The following UGT2A1 variants were observed in gnomAD, a reference collection of about 807,000 sequenced individuals.
UGT2A1 encodes the protein UDP glucuronosyltransferase family 2 member A1 complex locus, also known as UDP-glucuronosyltransferase 2A1.
A neutral mutation model predicts 45.4 loss-of-function variants in UGT2A1; 61 were observed. The observed-to-expected ratio is 1.34, with a 90% CI of 1.09 to 1.66. UGT2A1 has a LOEUF of 1.66. Ranked by LOEUF, UGT2A1 falls within the 40% of genes most tolerant of loss-of-function variation. The probability of loss-of-function intolerance (pLI) is 0.00; values close to 1 mark genes in which losing one functional copy is unlikely to be tolerated. For synonymous variants in UGT2A1, 229 were observed against 196.2 expected (o/e 1.17, Z -1.40); for missense variants, 649 against 574.3 (o/e 1.13, Z -1.33).
rs773613888 is a variant in UGT2A1, at chr4:69,629,005, A to G, written c.847+6686T>C. On this transcript the variant is annotated intron_variant, in intron 3 of 6. Transcript: ENST00000286604. ...AAGAGAAAGGGAGCCAGGTGATATC[A>G]GGTGATACATGGTTATACTCTTCTC... 3.2e-4 allele frequency among the ~76,000 whole-genome samples: 48 copies of G among 151,662 alleles called. 1 individual carries two copies. Among genetic ancestry groups the G allele is most frequent in the South Asian group, 1.7e-3 (8 of 4,762 alleles).
intron 3 of UGT2A1, among the ~76,000 whole-genome samples, chr4:69,629,621 T>C (rs1388213270): frequency 6.6e-6 from 1 of 151,982 alleles, no homozygotes; most frequent in African/African-American, 2.4e-5. Context: ...TTCAGGTGAG[T>C]TAGTTGATAA....
At chr4:69,628,940 G>C (rs1322544072) in intron 3 of UGT2A1, among the ~76,000 whole-genome samples, 1 of 151,566 alleles carries the variant, frequency 6.6e-6, no homozygotes, top group East Asian at 1.9e-4. Context: ...TCAGCTATTA[G>C]TCTCAAAGGG....
chr4:69,595,912 C>T (rs1003896884), intron 4 of UGT2A1, among the ~76,000 whole-genome samples: 1 of 152,082 alleles, frequency 6.6e-6, no homozygotes, highest in African/African-American at 2.4e-5. Context: ...GACCATGGAG[C>T]TAACAAACTT....
At chr4:69,589,736 A>T in intron 6 of UGT2A1, 85 bp from the exon 7 acceptor site, 2 of 1,516,032 alleles carry the variant, frequency 1.3e-6, no homozygotes, top group East Asian at 2.3e-5. Flanking sequence ...CTTTTGCTCT[A>T]CAAGTTTAAG....
chr4:69,642,244 A>T (rs1304064719), intron 2 of UGT2A1, among the ~76,000 whole-genome samples: 1 of 151,840 alleles, frequency 6.6e-6, no homozygotes, highest in Non-Finnish European at 1.5e-5. Flanking sequence ...TATCTCTGAG[A>T]ATTTCCAATG....
intron 6 of UGT2A1, among the ~76,000 whole-genome samples, chr4:69,593,780 AAT>A (rs1718724359): frequency 6.6e-6 from 1 of 151,850 alleles, no homozygotes; most frequent in African/African-American, 2.4e-5. Context: ...ACTCAGTGTG[AAT>A]AGTTATTTCT....
intron 3 of UGT2A1, among the ~76,000 whole-genome samples, chr4:69,631,811 G>A (rs1721403967): frequency 6.6e-6 from 1 of 152,064 alleles, no homozygotes; most frequent in South Asian, 2.1e-4. Context: ...CAACTTTAAT[G>A]AAATCACAAT....
intron 3 of UGT2A1, among the ~76,000 whole-genome samples, chr4:69,608,702 C>A (rs981801565): frequency 5.6e-4 from 85 of 151,940 alleles, no homozygotes; most frequent in African/African-American, 2.0e-3. Context: ...ATTTTATTAT[C>A]ATTATTTTTA....
intron 2 of UGT2A1, chr4:69,639,096 A>G: frequency 6.2e-7 from 1 of 1,613,432 alleles, no homozygotes; most frequent in Non-Finnish European, 8.5e-7. Flanking sequence ...TGCTGGAGAG[A>G]ACCTCAATGT....
chr4:69,611,042 A>G (rs1436708598), intron 3 of UGT2A1, among the ~76,000 whole-genome samples: 3 of 152,208 alleles, frequency 2.0e-5, no homozygotes, highest in Non-Finnish European at 4.4e-5. Context: ...TAAAAATTAG[A>G]AAGCAAAACC....
intron 4 of UGT2A1, among the ~76,000 whole-genome samples, chr4:69,598,578 CTA>C (rs1336213024): frequency 1.3e-5 from 2 of 152,106 alleles, no homozygotes; most frequent in African/African-American, 4.8e-5. Context: ...GAATCTGAAT[CTA>C]TTTCTAATGC....
rs187629860 is a variant in UGT2A1, at chr4:69,616,241, G to A, written c.848-16847C>T. ...ACCAGAGGCTGGGAAAGGTCTTGGG[G>A]GGTGGGGAGGGTATAAAGAGGGCAT... On this transcript the variant is annotated intron_variant, in intron 3 of 6. Transcript: ENST00000286604. Among the ~76,000 whole-genome samples, 302 of 151,958 alleles carry A rather than the reference G, an allele frequency of 2.0e-3. 2 individuals carry two copies. Among genetic ancestry groups the A allele is most frequent in the Middle Eastern group, 6.8e-3 (2 of 294 alleles).
At chr4:69,631,499 A>G (rs1462132798) in intron 3 of UGT2A1, among the ~76,000 whole-genome samples, 1 of 152,188 alleles carries the variant, frequency 6.6e-6, no homozygotes, top group Non-Finnish European at 1.5e-5. Flanking sequence ...TTACTGCCTA[A>G]CCACCAATAA....
chr4:69,596,109 T>C, intron 4 of UGT2A1: 2 of 1,222,166 alleles, frequency 1.6e-6, no homozygotes, highest in Non-Finnish European at 2.1e-6. Flanking sequence ...TTTTAATATA[T>C]TACACAACGT....
chr4:69,621,879 C>T (rs540655898), intron 3 of UGT2A1, among the ~76,000 whole-genome samples: 8 of 151,792 alleles, frequency 5.3e-5, no homozygotes, highest in Admixed American at 1.3e-4. Context: ...GGGGGAGGGT[C>T]ATTATTCTTA....
At chr4:69,610,630 G>C (rs1345852801) in intron 3 of UGT2A1, among the ~76,000 whole-genome samples, 1 of 152,098 alleles carries the variant, frequency 6.6e-6, no homozygotes, top group Non-Finnish European at 1.5e-5. Flanking sequence ...AGATAATTAA[G>C]CTTAAAGAGT....
chr4:69,608,189 G>C (rs1227920458), intron 3 of UGT2A1, among the ~76,000 whole-genome samples: 1 of 152,104 alleles, frequency 6.6e-6, no homozygotes, highest in Non-Finnish European at 1.5e-5. Flanking sequence ...AACAATGATA[G>C]ACTGGATTAA....
chr4:69,640,336 A>G (rs1446400752), intron 2 of UGT2A1, among the ~76,000 whole-genome samples: 2 of 152,024 alleles, frequency 1.3e-5, no homozygotes, highest in South Asian at 4.1e-4. Context: ...TTGTGGATTA[A>G]CAATAGTATC....
intron 3 of UGT2A1, among the ~76,000 whole-genome samples, chr4:69,627,347 C>A (rs1391308332): frequency 6.6e-6 from 1 of 151,682 alleles, no homozygotes; most frequent in African/African-American, 2.4e-5. Context: ...TAAAACAGTA[C>A]TACTAGACTC....
Sources: allele counts gnomAD v4.1 joint callset (sites outside exome capture counted in the v4.1 genomes callset), GRCh38; gene constraint gnomAD v4.1.1; transcripts MANE v1.5; gene names NCBI Gene and HGNC (gene_info 2026-07-23, HGNC 2026-07-21).